CDH12: variants seen among roughly 807,000 people sequenced by gnomAD.
The protein encoded by CDH12 is cadherin 12.
A neutral mutation model predicts 74.1 loss-of-function variants in CDH12; 41 were observed. That is an observed-to-expected ratio of 0.55 (90% CI 0.43 to 0.72). CDH12 has a LOEUF of 0.72. Ranked by LOEUF, CDH12 falls within the 30% of genes least tolerant of loss-of-function variation. The pLI is 0.00. For synonymous variants in CDH12, 399 were observed against 355.0 expected, an observed-to-expected ratio of 1.12 and a Z score of -1.39; for missense variants, 945 against 977.2, an observed-to-expected ratio of 0.97 and a Z score of 0.44.
chr5:22,147,738 C>T (rs1174547896), intron 4 of CDH12, among the ~76,000 whole-genome samples: 1 of 152,038 alleles, frequency 6.6e-6, no homozygotes, highest in East Asian at 1.9e-4. Context: ...CTTATAAAAT[C>T]ATCAGATCTC....
rs546764989 is a variant in CDH12 at position 21,950,451 on chromosome 5, TAAC to T, written c.526+24637_526+24639del. Among the ~76,000 whole-genome samples the T allele has an allele frequency of 2.5e-3, 372 of 151,374 alleles. 4 individuals carry two copies. The highest frequency in any genetic ancestry group is 8.5e-3 in the African/African-American group (349 of 41,232). ...AGAAACAGAAACAAACAGAAACAAA[TAAC>T]AAAGTGGTAGACTTCAACCACAACA... On this transcript the variant is annotated intron_variant, in intron 6 of 14. Coordinates refer to ENST00000382254, the MANE Select transcript of CDH12 (RefSeq NM_004061.5).
chr5:21,999,094 G>A lies in CDH12; in HGVS notation c.232-23709C>T, dbSNP rs183635558. On this transcript the variant is annotated intron_variant, in intron 5 of 14. Coordinates refer to ENST00000382254, the MANE Select transcript of CDH12 (RefSeq NM_004061.5). Reference sequence around the variant, plus strand: ...ATACTGGCAGGAAATCTTTATTAAAGCAATAGTAGCCCTTTCCTTTTTTCT... The same window carrying A: ...ATACTGGCAGGAAATCTTTATTAAAACAATAGTAGCCCTTTCCTTTTTTCT... Among the ~76,000 whole-genome samples the A allele has an allele frequency of 5.0e-3, 762 of 152,168 alleles. 5 individuals carry two copies. Among genetic ancestry groups the A allele is most frequent in the African/African-American group, 0.017 (708 of 41,524 alleles).
intron 3 of CDH12, among the ~76,000 whole-genome samples, chr5:22,390,504 C>A (rs1395496760): frequency 2.0e-5 from 3 of 151,518 alleles, no homozygotes; most frequent in South Asian, 2.1e-4. Flanking sequence ...CATCTCACTT[C>A]CAAAGGAAAT....
At position 21,826,406 on chromosome 5, in the gene CDH12, T is replaced by C. The variant is rs1044273549; in HGVS notation, c.815-9274A>G. ...TTCTTAGTAGCAAATCCACTGCTAT[T>C]ATTGATTATTTTACCTCCTAAAATC... On this transcript the variant is annotated intron_variant, in intron 8 of 14. Transcript: ENST00000382254. 5.9e-5 allele frequency among the ~76,000 whole-genome samples: 9 copies of C among 152,180 alleles called. No homozygotes were observed. The South Asian group carries it at 6.2e-4, about 10-fold the overall frequency.
chr5:22,278,430 T>A (rs1286108540), intron 3 of CDH12, among the ~76,000 whole-genome samples: 1 of 152,154 alleles, frequency 6.6e-6, no homozygotes, highest in Non-Finnish European at 1.5e-5. Flanking sequence ...CAAATGAGTA[T>A]CTAACTCTCC....
chr5:22,145,264 T>C (rs1747085317), intron 4 of CDH12, among the ~76,000 whole-genome samples: 1 of 152,122 alleles, frequency 6.6e-6, no homozygotes, highest in South Asian at 2.1e-4. Context: ...ATGTACAATA[T>C]ATAAACTATC....
intron 6 of CDH12, among the ~76,000 whole-genome samples, chr5:21,933,191 C>T (rs924868305): frequency 6.6e-6 from 1 of 151,922 alleles, no homozygotes. Flanking sequence ...GGTTTTAATT[C>T]CCAATTTATA....
In CDH12 at chr5:22,035,564, A is replaced by G. The variant is rs559405038; in HGVS notation, c.231+42882T>C. Among the ~76,000 whole-genome samples, 4 of 152,242 alleles carry G rather than the reference A, an allele frequency of 2.6e-5. No homozygotes were observed. In the South Asian group the frequency reaches 8.3e-4, roughly 32 times the overall value. ...ATAATAGGTTGAAAATGTGTCTGAA[A>G]ACTCAATTACCAAGAGAAATTTTTT... On this transcript the variant is annotated intron_variant, in intron 5 of 14. Coordinates refer to ENST00000382254, the MANE Select transcript of CDH12 (RefSeq NM_004061.5).
rs1757217541 is a variant in CDH12 at position 21,979,564 on chromosome 5, T to G, written c.232-4179A>C. On this transcript the variant is annotated intron_variant, in intron 5 of 14. Transcript: ENST00000382254. ...ATCTCTCTGATTATATTTTAGAAAC[T>G]ACTGCACAAAAATAAAACAAATTTC... Among the ~76,000 whole-genome samples, 3 of 152,196 alleles carry G rather than the reference T, an allele frequency of 2.0e-5. No individual in the cohort carries two copies. The South Asian group carries it at 6.2e-4, about 32-fold the overall frequency.
chr5:22,456,227 A>G (rs1052585590), intron 2 of CDH12, among the ~76,000 whole-genome samples: 2 of 123,588 alleles, frequency 1.6e-5, no homozygotes, highest in African/African-American at 6.2e-5. Context: ...CTTTTTTTAA[A>G]TGTTTTGTCT....
intron 3 of CDH12, among the ~76,000 whole-genome samples, chr5:22,305,697 G>C (rs1318872580): frequency 6.6e-6 from 1 of 152,096 alleles, no homozygotes; most frequent in South Asian, 2.1e-4. Flanking sequence ...GGCCTCACTG[G>C]GGGCAGCAAG....
rs562619678 is a variant in CDH12, at chr5:22,430,257, T to C, written c.-427-24906A>G. Reference sequence around the variant, plus strand: ...AATTAGTAGTGCTTTCCAGAGATAATGGGGATCATGTGAACCTCATGGGAT... The same window carrying C: ...AATTAGTAGTGCTTTCCAGAGATAACGGGGATCATGTGAACCTCATGGGAT... On this transcript the variant is annotated intron_variant, in intron 2 of 14. Coordinates refer to ENST00000382254, the MANE Select transcript of CDH12 (RefSeq NM_004061.5). Among the ~76,000 whole-genome samples the C allele has an allele frequency of 3.3e-5, 5 of 152,204 alleles. No individual in the cohort carries two copies. In the East Asian group the frequency reaches 9.7e-4, roughly 30 times the overall value.
intron 4 of CDH12, among the ~76,000 whole-genome samples, chr5:22,164,642 G>A (rs1748575265): frequency 6.6e-6 from 1 of 152,152 alleles, no homozygotes; most frequent in Non-Finnish European, 1.5e-5. Flanking sequence ...GCCTTTGCTG[G>A]CTCCAGTGCC....
chr5:22,018,159 A>G (rs1737723770), intron 5 of CDH12, among the ~76,000 whole-genome samples: 1 of 152,168 alleles, frequency 6.6e-6, no homozygotes, highest in Non-Finnish European at 1.5e-5. Flanking sequence ...TGATTAAATT[A>G]GTTTGAAGTA....
chr5:21,859,051 T>C (rs1374877579), intron 6 of CDH12, among the ~76,000 whole-genome samples: 1 of 151,924 alleles, frequency 6.6e-6, no homozygotes, highest in Admixed American at 6.6e-5. Context: ...GGAGTCACCA[T>C]GTTGTGTGCT....
chr5:22,839,906 AC>A (rs1436290770), intron 1 of CDH12, among the ~76,000 whole-genome samples: 1 of 152,152 alleles, frequency 6.6e-6, no homozygotes, highest in East Asian at 1.9e-4. Context: ...ATCCTCTACC[AC>A]CATTGAGGAG....
chr5:21,772,919 T>C (rs1002116005), intron 11 of CDH12, among the ~76,000 whole-genome samples: 1 of 152,190 alleles, frequency 6.6e-6, no homozygotes, highest in Non-Finnish European at 1.5e-5. Context: ...GTGATTTTGA[T>C]GGAGCAATTA....
At chr5:21,960,344 A>G (rs933507117) in intron 6 of CDH12, among the ~76,000 whole-genome samples, 18 of 152,116 alleles carry the variant, frequency 1.2e-4, no homozygotes, top group African/African-American at 4.3e-4. Flanking sequence ...TCTACTGCTT[A>G]TGCTTGTTGC....
At chr5:21,759,625 A>C (rs1744601597) in intron 13 of CDH12, among the ~76,000 whole-genome samples, 1 of 152,090 alleles carries the variant, frequency 6.6e-6, no homozygotes, top group South Asian at 2.1e-4. Flanking sequence ...CAAAAATGCA[A>C]ACCTATGTCA....
Sources: allele counts gnomAD v4.1 joint callset (sites outside exome capture counted in the v4.1 genomes callset), GRCh38; gene constraint gnomAD v4.1.1; transcripts MANE v1.5; gene names NCBI Gene and HGNC (gene_info 2026-07-23, HGNC 2026-07-21).